Variants in ALDH1L1 observed in about 807,000 individuals in gnomAD.
The protein encoded by ALDH1L1 is aldehyde dehydrogenase 1 family member L1.
ALDH1L1 carries 68 observed loss-of-function variants against 101.1 expected under a neutral mutation model. That is an observed-to-expected ratio of 0.67 (90% CI 0.55 to 0.82). The LOEUF (loss-of-function observed/expected upper bound fraction) is 0.82, where lower values mean the gene tolerates loss of function less well. Among genes scored for constraint, ALDH1L1 ranks in the 40% least tolerant of loss-of-function variants. The pLI is 0.00. For missense variants in ALDH1L1, 1,087 were observed against 1,172.7 expected (o/e 0.93, Z 1.07); for synonymous variants, 486 against 470.8 (o/e 1.03, Z -0.42).
intron 7 of ALDH1L1, chr3:126,151,242 C>T (rs1204952511): frequency 1.3e-5 from 2 of 152,220 alleles, no homozygotes; most frequent in South Asian, 2.1e-4. Flanking sequence ...CCCAGTAGCT[C>T]CCAGAACTGC....
chr3:126,157,314 G>A (rs756289340), intron 4 of ALDH1L1, 29 bp downstream of exon 4: 1 of 1,594,354 alleles, frequency 6.3e-7, no homozygotes. Context: ...GTCGGGGCGG[G>A]CAGGGCGCGG....
intron 21 of ALDH1L1, among the ~76,000 whole-genome samples, chr3:126,106,649 C>T (rs1163369460): frequency 1.3e-5 from 2 of 152,158 alleles, no homozygotes; most frequent in African/African-American, 2.4e-5. Flanking sequence ...TCGGCAACCC[C>T]GAGGCTGCCA....
intron 21 of ALDH1L1, among the ~76,000 whole-genome samples, chr3:126,106,278 C>T (rs1945867098): frequency 6.6e-6 from 1 of 152,240 alleles, no homozygotes; most frequent in Non-Finnish European, 1.5e-5. Context: ...GATTTGGAGA[C>T]TTACTACAAC....
Position 126,124,344 on chromosome 3 carries a change from C to T in ALDH1L1, c.1888+20G>A, listed in dbSNP as rs887650973. On this transcript the variant is annotated intron_variant, in intron 16 of 22. Transcript: ENST00000393434. ...CCAGCTGCCAGAAGCCCTAGCCCTG[C>T]CCCCGACAATGGCTCTTACCAGATC... 8 of 1,600,536 alleles carry T rather than the reference C, an allele frequency of 5.0e-6. 1 individual carries two copies. In the South Asian group the frequency reaches 6.7e-5, roughly 13 times the overall value.
chr3:126,115,874 C>CT (rs969613302), intron 17 of ALDH1L1, among the ~76,000 whole-genome samples: 34 of 145,858 alleles, frequency 2.3e-4, no homozygotes, highest in Admixed American at 6.2e-4. Context: ...AGCACCCAGC[C>CT]TTTTTTTTTT....
rs538664093 is a variant in ALDH1L1, at chr3:126,121,630, C to T, written c.1888+2734G>A. The stretch of plus-strand genomic sequence containing the variant: ...CCTGGTGAAGATGATCTAAAAACAA[C>T]CACTTAAACTCCCTGGAAATTCTTC... On this transcript the variant is annotated intron_variant, in intron 16 of 22. Coordinates refer to ENST00000393434, the MANE Select transcript of ALDH1L1 (RefSeq NM_012190.4). Among the ~76,000 whole-genome samples, 3 of 152,298 alleles carry T rather than the reference C, an allele frequency of 2.0e-5. No homozygotes were observed. In the South Asian group the frequency reaches 6.2e-4, roughly 32 times the overall value.
At chr3:126,191,388 T>C (rs1489624501) in intron 1 of ALDH1L1, among the ~76,000 whole-genome samples, 2 of 152,216 alleles carry the variant, frequency 1.3e-5, no homozygotes, top group Non-Finnish European at 1.5e-5. Context: ...CTGCCAGCTG[T>C]AATGTGCAAT....
rs191414314 is a variant in ALDH1L1, at chr3:126,146,649, C to G, written c.1076+186G>C. 1.1e-4 allele frequency among the ~76,000 whole-genome samples: 16 copies of G among 152,166 alleles called. 1 individual carries two copies. The highest frequency in any genetic ancestry group is 3.9e-4 in the African/African-American group (16 of 41,430). ...CGCCCCCTTAACATTTGCATAAAGA[C>G]CTGCAACCATTCATTTGTGCTGCCC... On this transcript the variant is annotated intron_variant, in intron 9 of 22. Coordinates refer to ENST00000393434, the MANE Select transcript of ALDH1L1 (RefSeq NM_012190.4).
chr3:126,149,940 G>A (rs1223864436), intron 8 of ALDH1L1, among the ~76,000 whole-genome samples: 1 of 152,218 alleles, frequency 6.6e-6, no homozygotes, highest in Non-Finnish European at 1.5e-5. Context: ...AGAAGACTGA[G>A]TCTTAGAGAC....
chr3:126,119,521 A>C (rs2080038829), intron 16 of ALDH1L1, among the ~76,000 whole-genome samples: 1 of 151,968 alleles, frequency 6.6e-6, no homozygotes, highest in Admixed American at 6.6e-5. Flanking sequence ...CAGTCCCTCC[A>C]TCTTCCACCA....
chr3:126,172,138 C>T (rs1020035908), intron 1 of ALDH1L1, among the ~76,000 whole-genome samples: 1 of 152,220 alleles, frequency 6.6e-6, no homozygotes, highest in African/African-American at 2.4e-5. Flanking sequence ...CTATCTACCT[C>T]AGTACCTTTT....
intron 1 of ALDH1L1, among the ~76,000 whole-genome samples, chr3:126,176,271 T>C (rs563250628): frequency 6.6e-6 from 1 of 152,338 alleles, no homozygotes; most frequent in East Asian, 1.9e-4. Flanking sequence ...ACTTTATCTA[T>C]AGATTCAATG....
At chr3:126,178,746 T>TTGTG (rs112510826) in intron 1 of ALDH1L1, among the ~76,000 whole-genome samples, 10,272 of 149,848 alleles carry the variant, frequency 0.069, 531 homozygotes, top group Admixed American at 0.14. Flanking sequence ...AGGCTTAAGT[T>TTGTG]TGTGTGTGTG....
intron 13 of ALDH1L1, 101 bp from the exon 14 acceptor site, chr3:126,130,394 CG>C: frequency 8.7e-7 from 1 of 1,150,916 alleles, no homozygotes; most frequent in South Asian, 2.0e-5. Context: ...GAAGTCAAAG[CG>C]ACCAGCTTAG....
chr3:126,189,239 T>C (rs931152742), intron 1 of ALDH1L1, among the ~76,000 whole-genome samples: 1 of 152,250 alleles, frequency 6.6e-6, no homozygotes, highest in Non-Finnish European at 1.5e-5. Context: ...CAACATTTTG[T>C]ATTTATGGTG....
chr3:126,111,574 A>G lies in ALDH1L1; in HGVS notation c.2181+1208T>C, dbSNP rs1036483297. ...GCCACTCCGTGTTGAGGGTCGTTATATGGCAAAAACTGTTCTAGCCCGTCC... is the reference window on the plus strand; with the variant it reads ...GCCACTCCGTGTTGAGGGTCGTTATGTGGCAAAAACTGTTCTAGCCCGTCC... On this transcript the variant is annotated intron_variant, in intron 19 of 22. Transcript: ENST00000393434. Among the ~76,000 whole-genome samples, 5 of 152,286 alleles carry G rather than the reference A, an allele frequency of 3.3e-5. No individual in the cohort carries two copies. The East Asian group carries it at 9.7e-4, about 29-fold the overall frequency.
Position 126,115,959 on chromosome 3 carries a change from G to A in ALDH1L1, c.1983-1303C>T, listed in dbSNP as rs926587713. ...GTGATCTCAGCTTACTGTAACCTCC[G>A]CCTTCCGGATTCAAGCGATTCTCCT... is the stretch of plus-strand genomic sequence containing the variant. On this transcript the variant is annotated intron_variant, in intron 17 of 22. Transcript: ENST00000393434. Among the ~76,000 whole-genome samples, 5 of 150,666 alleles carry A rather than the reference G, an allele frequency of 3.3e-5. No homozygotes were observed. The East Asian group carries it at 5.8e-4, about 18-fold the overall frequency.
chr3:126,148,412 T>C (rs529918965), intron 8 of ALDH1L1, among the ~76,000 whole-genome samples: 13 of 152,316 alleles, frequency 8.5e-5, no homozygotes, highest in African/African-American at 2.2e-4. Flanking sequence ...AGCGTTCTCC[T>C]GAACAGCCAC....
intron 4 of ALDH1L1, 35 bp downstream of exon 4, chr3:126,157,308 G>T: frequency 1.9e-6 from 3 of 1,591,254 alleles, no homozygotes; most frequent in South Asian, 1.1e-5. Flanking sequence ...GGGTGCGTCG[G>T]GGCGGGCAGG....
Sources: allele counts gnomAD v4.1 joint callset (sites outside exome capture counted in the v4.1 genomes callset), GRCh38; gene constraint gnomAD v4.1.1; transcripts MANE v1.5; gene names NCBI Gene and HGNC (gene_info 2026-07-23, HGNC 2026-07-21).